Variants in GALNTL6 observed in about 807,000 individuals in gnomAD.
GALNTL6 encodes the protein polypeptide N-acetylgalactosaminyltransferase-like 6.
GALNTL6 carries 46 observed loss-of-function variants against 73.7 expected under a neutral mutation model. The observed-to-expected ratio is 0.62, with a 90% CI of 0.49 to 0.80. The LOEUF (loss-of-function observed/expected upper bound fraction) is 0.80, where lower values mean the gene tolerates loss of function less well. Ranked by LOEUF, GALNTL6 falls within the 30% of genes least tolerant of loss-of-function variation. GALNTL6 has a pLI of 0.00. For synonymous variants in GALNTL6, 259 were observed against 263.7 expected (o/e 0.98, Z 0.17); for missense variants, 604 against 755.0 (o/e 0.80, Z 2.34).
intron 5 of GALNTL6, among the ~76,000 whole-genome samples, chr4:172,700,405 A>T (rs1733959986): frequency 6.6e-6 from 1 of 152,200 alleles, no homozygotes; most frequent in African/African-American, 2.4e-5. Flanking sequence ...TAACCTGTTA[A>T]GTAACTAATG....
intron 2 of GALNTL6, among the ~76,000 whole-genome samples, chr4:172,083,331 A>G (rs1731936180): frequency 6.6e-6 from 1 of 152,146 alleles, no homozygotes; most frequent in South Asian, 2.1e-4. Flanking sequence ...TGTCATTTCC[A>G]TGCACAAAAC....
intron 9 of GALNTL6, among the ~76,000 whole-genome samples, chr4:172,946,439 A>G (rs1749170502): frequency 6.6e-6 from 1 of 152,246 alleles, no homozygotes; most frequent in African/African-American, 2.4e-5. Context: ...GCAGTTTCAC[A>G]AGCCAGCAGG....
intron 5 of GALNTL6, among the ~76,000 whole-genome samples, chr4:172,787,203 C>A (rs923483461): frequency 6.6e-6 from 1 of 152,140 alleles, no homozygotes; most frequent in Non-Finnish European, 1.5e-5. Context: ...GATTTCAAAC[C>A]ATAATGACCT....
chr4:172,369,836 C>T (rs1308412653), intron 5 of GALNTL6, among the ~76,000 whole-genome samples: 3 of 152,234 alleles, frequency 2.0e-5, no homozygotes, highest in Non-Finnish European at 2.9e-5. Context: ...AGCCCCGGTT[C>T]CCACCCACGC....
At chr4:172,609,621 C>CTGTG (rs1295603452) in intron 5 of GALNTL6, among the ~76,000 whole-genome samples, 139 of 27,440 alleles carry the variant, frequency 5.1e-3, no homozygotes, top group South Asian at 0.034. Context: ...CTCTCTCTCT[C>CTGTG]TCTCTGTGTG....
intron 3 of GALNTL6, among the ~76,000 whole-genome samples, chr4:172,234,513 T>C (rs572604721): frequency 1.2e-4 from 19 of 152,286 alleles, no homozygotes; most frequent in Non-Finnish European, 1.8e-4. Flanking sequence ...TTTGTGACTT[T>C]CTTTTAACCT....
chr4:172,364,342 T>C (rs574548308), intron 5 of GALNTL6, among the ~76,000 whole-genome samples: 2 of 152,204 alleles, frequency 1.3e-5, no homozygotes, highest in Admixed American at 1.3e-4. Context: ...GGCTTGAGCT[T>C]AGAATTTTGA....
chr4:172,641,480 C>A (rs1739979603), intron 5 of GALNTL6, among the ~76,000 whole-genome samples: 1 of 152,084 alleles, frequency 6.6e-6, no homozygotes, highest in African/African-American at 2.4e-5. Flanking sequence ...ACACACCAGT[C>A]ATGCTCCTGC....
intron 5 of GALNTL6, among the ~76,000 whole-genome samples, chr4:172,700,066 A>C (rs182774024): frequency 6.6e-6 from 1 of 152,292 alleles, no homozygotes; most frequent in Admixed American, 6.5e-5. Flanking sequence ...AAATTCTGAA[A>C]GTTTGAAACA....
intron 2 of GALNTL6, among the ~76,000 whole-genome samples, chr4:172,156,863 A>G: frequency 6.6e-6 from 1 of 151,878 alleles, no homozygotes; most frequent in South Asian, 2.1e-4. Flanking sequence ...CTGGAATTGG[A>G]CAAGCTCTGA....
At chr4:172,761,280 A>G (rs1738068170) in intron 5 of GALNTL6, among the ~76,000 whole-genome samples, 2 of 152,170 alleles carry the variant, frequency 1.3e-5, no homozygotes, top group Non-Finnish European at 2.9e-5. Context: ...GAGGATGTAT[A>G]CTACTGTGTG....
chr4:172,942,730 G>A (rs2126313311), intron 9 of GALNTL6, among the ~76,000 whole-genome samples: 1 of 152,212 alleles, frequency 6.6e-6, no homozygotes, highest in South Asian at 2.1e-4. Context: ...GTAGGTGAAG[G>A]CACACCTCCA....
intron 3 of GALNTL6, among the ~76,000 whole-genome samples, chr4:172,244,476 T>C (rs540527101): frequency 6.6e-4 from 101 of 152,266 alleles, no homozygotes; most frequent in Admixed American, 4.1e-3. Flanking sequence ...ACTCATAATA[T>C]CTCTCTTTAG....
chr4:172,286,417 A>G (rs1739253143), intron 3 of GALNTL6, among the ~76,000 whole-genome samples: 1 of 152,214 alleles, frequency 6.6e-6, no homozygotes, highest in African/African-American at 2.4e-5. Flanking sequence ...ATGCAGATAA[A>G]TAGGATGAGG....
intron 2 of GALNTL6, among the ~76,000 whole-genome samples, chr4:171,971,608 C>A (rs140704056): frequency 6.6e-6 from 1 of 152,064 alleles, no homozygotes; most frequent in African/African-American, 2.4e-5. Flanking sequence ...GGCATGCAGT[C>A]CTCTCCAAAA....
chr4:172,690,496 A>T (rs1733202028), intron 5 of GALNTL6, among the ~76,000 whole-genome samples: 1 of 152,198 alleles, frequency 6.6e-6, no homozygotes, highest in Non-Finnish European at 1.5e-5. Context: ...CCTAATAAAC[A>T]TACAACAATA....
At chr4:172,176,754 G>C (rs184966879) in intron 2 of GALNTL6, among the ~76,000 whole-genome samples, 1 of 151,978 alleles carries the variant, frequency 6.6e-6, no homozygotes, top group African/African-American at 2.4e-5. Flanking sequence ...GTACCGTGGC[G>C]CTCTGGCCTG....
chr4:171,932,813 T>C (rs1031616630), intron 2 of GALNTL6, among the ~76,000 whole-genome samples: 3 of 152,192 alleles, frequency 2.0e-5, no homozygotes, highest in Non-Finnish European at 4.4e-5. Context: ...AACACAAATG[T>C]CCAGAATAGA....
Position 171,813,490 on chromosome 4 carries a change from T to C in GALNTL6, c.-670T>C, listed in dbSNP as rs559972055. The C allele has an allele frequency of 1.8e-3, 275 of 152,512 alleles. 1 individual carries two copies. The highest frequency in any genetic ancestry group is 5.9e-3 in the African/African-American group (244 of 41,580). The allele number at this position is 152,512 out of a possible 1,614,324, so 9.4% of individuals were successfully genotyped here. A position where few individuals can be genotyped will look rare whatever the true frequency, so the allele number is the denominator to read the frequency against. On this transcript the variant is annotated 5_prime_UTR_variant, in exon 1 of 13. Transcript: ENST00000506823. The surrounding 1 kb of genome is among the most constrained non-coding windows in gnomAD (Gnocchi z 5.2). The stretch of plus-strand genomic sequence containing the variant: ...GTGCAGCCGCGGCGCATCTCCGCCT[T>C]CCGCTCCTCCTCGCAGCGCCCTCGT...
Sources: gnomAD v4.1 joint callset for allele counts (sites outside exome capture counted in the v4.1 genomes callset) on GRCh38, gnomAD v4.1.1 for gene constraint, Gnocchi (gnomAD v3.1) non-coding constraint, MANE v1.5 for transcripts, NCBI Gene and HGNC (gene_info 2026-07-23, HGNC 2026-07-21) for gene names.